DNAJC22: variants seen among roughly 807,000 people sequenced by gnomAD.
DNAJC22 encodes dnaJ homolog subfamily C member 22.
DNAJC22 carries 24 observed loss-of-function variants against 22.2 expected under a neutral mutation model. That is an observed-to-expected ratio of 1.08 (90% confidence interval 0.78 to 1.52). The LOEUF (loss-of-function observed/expected upper bound fraction) is 1.52. Ranked by LOEUF, DNAJC22 falls within the 40% of genes most tolerant of loss-of-function variation. DNAJC22 has a pLI of 0.00. For missense variants in DNAJC22, 434 were observed against 421.7 expected (o/e 1.03, Z -0.26); for synonymous variants, 160 against 167.4 (o/e 0.96, Z 0.34).
At position 49,347,837 on chromosome 12, in the gene DNAJC22, C is replaced by T. The variant is rs1001857595; in HGVS notation, c.-376C>T. The T allele has an allele frequency of 1.3e-5, 2 of 152,258 alleles. No individual in the cohort carries two copies. The highest frequency in any genetic ancestry group is 4.8e-5 in the African/African-American group (2 of 41,440). The allele number at this position is 152,258 out of a possible 1,614,324, so 9.4% of individuals were successfully genotyped here. ...CTGGGCCCGGGCTGGGCACTGAGCCCACCGGAGCTGCAGGCGTCTGCAGAG... is the reference window on the plus strand; with the variant it reads ...CTGGGCCCGGGCTGGGCACTGAGCCTACCGGAGCTGCAGGCGTCTGCAGAG... On this transcript the variant is annotated 5_prime_UTR_variant, in exon 2 of 4. Coordinates refer to ENST00000549441, the MANE Select transcript of DNAJC22 (RefSeq NM_001304944.2).
intron 3 of DNAJC22, among the ~76,000 whole-genome samples, chr12:49,350,857 C>T (rs367679010): frequency 1.7e-4 from 26 of 152,228 alleles, no homozygotes; most frequent in African/African-American, 6.0e-4. Flanking sequence ...TGTAGTATCC[C>T]ATTGTATGAT....
chr12:49,349,093 C>A lies in DNAJC22; in HGVS notation c.221C>A (p.Pro74His), dbSNP rs779184427. The change falls in exon 3 of 4, where the codon CCC (proline) becomes CAC (histidine). Residue 74 changes from proline (P) to histidine (H), a missense_variant. Physicochemically the swap from Pro to His is moderately conservative, Grantham distance 77. Coordinates refer to ENST00000549441, the MANE Select transcript of DNAJC22 (RefSeq NM_001304944.2). ...GQRQSPRGVT[P>H]PLSPIRFAAQ... The stretch of plus-strand genomic sequence containing the variant: ...AGGCAGAGCCCCAGAGGGGTGACAC[C>A]CCCTCTGAGTCCCATTCGCTTTGCT... 25 of 1,614,128 alleles carry A rather than the reference C, an allele frequency of 1.5e-5. No individual in the cohort carries two copies. In the South Asian group the frequency reaches 2.2e-4, roughly 14 times the overall value.
Position 49,347,307 on chromosome 12 carries a change from A to G in DNAJC22, c.-814A>G, listed in dbSNP as rs1483863601. On this transcript the variant is annotated 5_prime_UTR_variant, in exon 1 of 4. Coordinates refer to ENST00000549441, the MANE Select transcript of DNAJC22 (RefSeq NM_001304944.2). Reference sequence around the variant, plus strand: ...CCCTCTGGTTCATAGCCCGCGGGACAGAGCAGCCCTGGATTGGGAGGCTCC... The same window carrying G: ...CCCTCTGGTTCATAGCCCGCGGGACGGAGCAGCCCTGGATTGGGAGGCTCC... 1 of 152,248 alleles carries G rather than the reference A, an allele frequency of 6.6e-6. No individual in the cohort carries two copies. Among genetic ancestry groups the G allele is most frequent in the East Asian group, 1.9e-4 (1 of 5,184 alleles). The allele number at this position is 152,248 out of a possible 1,614,324, so 9.4% of individuals were successfully genotyped here.
chr12:49,351,304 C>G lies in DNAJC22; in HGVS notation c.841-13C>G, dbSNP rs753830671. On this transcript the variant is annotated splice_polypyrimidine_tract_variant and intron_variant, in intron 3 of 3. Transcript: ENST00000549441. Reference sequence around the variant, plus strand: ...TTGGGGGATTCTAATTTGTCATCTTCTGTTTCCATAAGGTTTTGGGCCTCT... The same window carrying G: ...TTGGGGGATTCTAATTTGTCATCTTGTGTTTCCATAAGGTTTTGGGCCTCT... The G allele has an allele frequency of 9.9e-6, 16 of 1,613,054 alleles. No homozygotes were observed. The South Asian group carries it at 1.8e-4, about 18-fold the overall frequency.
rs1163592320 is a variant in DNAJC22, at chr12:49,352,478, T to G, written c.*976T>G. On this transcript the variant is annotated 3_prime_UTR_variant, in exon 4 of 4. Coordinates refer to ENST00000549441, the MANE Select transcript of DNAJC22 (RefSeq NM_001304944.2). ...TTGCAGTCAACTGAGATTGAGCCACTGCACTGTACTCCAGCCTGGGCGGCA... is the reference window on the plus strand; with the variant it reads ...TTGCAGTCAACTGAGATTGAGCCACGGCACTGTACTCCAGCCTGGGCGGCA... The G allele has an allele frequency of 1.3e-5, 2 of 152,182 alleles. No individual in the cohort carries two copies. Among genetic ancestry groups the G allele is most frequent in the African/African-American group, 4.8e-5 (2 of 41,440 alleles). The allele number at this position is 152,182 out of a possible 1,614,324, so 9.4% of individuals were successfully genotyped here. A position where few individuals can be genotyped will look rare whatever the true frequency, so the allele number is the denominator to read the frequency against.
chr12:49,349,456 C>T lies in DNAJC22; in HGVS notation c.584C>T (p.Pro195Leu), dbSNP rs772597996. The change falls in exon 3 of 4, where the codon CCA (proline) becomes CTA (leucine). Residue 195 changes from proline to leucine, a missense_variant. Transcript: ENST00000549441. ...LGLAYLAFTGPLAYSALCNTA... is the reference protein window; with the variant it reads ...LGLAYLAFTGLLAYSALCNTA... Reference sequence around the variant, plus strand: ...TTGGCTTACCTTGCTTTCACAGGCCCACTGGCATACAGTGCCCTCTGCAAC... The same window carrying T: ...TTGGCTTACCTTGCTTTCACAGGCCTACTGGCATACAGTGCCCTCTGCAAC... The T allele has an allele frequency of 3.1e-6, 5 of 1,614,176 alleles. No individual in the cohort carries two copies. Among genetic ancestry groups the T allele is most frequent in the Non-Finnish European group, 3.4e-6 (4 of 1,180,032 alleles).
rs1057424011 is a variant in DNAJC22, at chr12:49,348,084, G to C, written c.-129G>C. On this transcript the variant is annotated 5_prime_UTR_variant, in exon 2 of 4. Transcript: ENST00000549441. ...TCAAAGGAAATGACTGGTCTGACTCGGTCTGGGAGCGGGGCACCCAGGTAT... is the reference window on the plus strand; with the variant it reads ...TCAAAGGAAATGACTGGTCTGACTCCGTCTGGGAGCGGGGCACCCAGGTAT... 1 of 152,294 alleles carries C rather than the reference G, an allele frequency of 6.6e-6. No homozygotes were observed. Among genetic ancestry groups the C allele is most frequent in the Non-Finnish European group, 1.5e-5 (1 of 68,088 alleles). The allele number at this position is 152,294 out of a possible 1,614,324, so 9.4% of individuals were successfully genotyped here.
In DNAJC22 at chr12:49,349,467, A is replaced by G. The variant is rs767033192; in HGVS notation, c.595A>G (p.Ser199Gly). The G allele has an allele frequency of 1.2e-6, 2 of 1,614,224 alleles. No individual in the cohort carries two copies. Among genetic ancestry groups the G allele is most frequent in the Non-Finnish European group, 8.5e-7 (1 of 1,180,034 alleles). The change falls in exon 3 of 4, where the codon AGT (serine) becomes GGT (glycine). Residue 199 changes from serine to glycine, a missense_variant. Coordinates refer to ENST00000549441, the MANE Select transcript of DNAJC22 (RefSeq NM_001304944.2). Reference protein sequence around the residue: ...YLAFTGPLAYSALCNTAATLS... With the variant: ...YLAFTGPLAYGALCNTAATLS... ...TGCTTTCACAGGCCCACTGGCATAC[A>G]GTGCCCTCTGCAACACAGCTGCCAC...
In DNAJC22 at chr12:49,351,512, T is replaced by C; in HGVS notation, c.*10T>C. 1 of 1,526,108 alleles carries C rather than the reference T, an allele frequency of 6.6e-7. No homozygotes were observed. Among genetic ancestry groups the C allele is most frequent in the Admixed American group, 2.3e-5 (1 of 44,186 alleles). 94.5% of individuals were successfully genotyped at this position (1,526,108 alleles called of 1,614,324 possible). Reference sequence around the variant, plus strand: ...GGGATCCCGGAGGTGAAAAGAAACTTCCCCCTGAGGACTGACTCTTCCTAG... The same window carrying C: ...GGGATCCCGGAGGTGAAAAGAAACTCCCCCCTGAGGACTGACTCTTCCTAG... On this transcript the variant is annotated 3_prime_UTR_variant, in exon 4 of 4. Coordinates refer to ENST00000549441, the MANE Select transcript of DNAJC22 (RefSeq NM_001304944.2).
chr12:49,347,319 G>A lies in DNAJC22; in HGVS notation c.-802G>A, dbSNP rs1345854543. The A allele has an allele frequency of 6.6e-6, 1 of 152,328 alleles. No homozygotes were observed. Among genetic ancestry groups the A allele is most frequent in the Non-Finnish European group, 1.5e-5 (1 of 68,110 alleles). The allele number at this position is 152,328 out of a possible 1,614,324, so 9.4% of individuals were successfully genotyped here. ...TAGCCCGCGGGACAGAGCAGCCCTG[G>A]ATTGGGAGGCTCCTCAGGTCTCAGG... is the stretch of plus-strand genomic sequence containing the variant. On this transcript the variant is annotated 5_prime_UTR_variant, in exon 1 of 4. An upstream open reading frame in the 5' UTR gains an earlier in-frame stop. Transcript: ENST00000549441.
rs1285789451 is a variant in DNAJC22, at chr12:49,347,237, C to CT, written c.-883dup. The CT allele has an allele frequency of 2.0e-5, 3 of 152,328 alleles. No individual in the cohort carries two copies. The highest frequency in any genetic ancestry group is 4.4e-5 in the Non-Finnish European group (3 of 68,104). The allele number at this position is 152,328 out of a possible 1,614,324, so 9.4% of individuals were successfully genotyped here. A position where few individuals can be genotyped will look rare whatever the true frequency, so the allele number is the denominator to read the frequency against. On this transcript the variant is annotated 5_prime_UTR_variant, in exon 1 of 4. The change abolishes the stop of an existing upstream ORF in the 5' untranslated region. Transcript: ENST00000549441. ...ACGAGCCTCGGGCTGCGGCCTCGCC[C>CT]TCCTGGTCGAGCCTCCTGCCCTCCA...
Position 49,349,565 on chromosome 12 carries a change from CA to C in DNAJC22, c.694del (p.Met232TrpfsTer15). Reference protein sequence around the residue: ...FSFFPLLGRLMEFVLLLPYRI... With the variant: ...FSFFPLLGRLXEFVLLLPYRI... ...GCTTCTTCCCCCTTCTTGGCCGCCT[CA>C]TGGAGTTTGTCCTCCTTCTGCCTTA... On this transcript the variant is annotated frameshift_variant, in exon 3 of 4. Transcript: ENST00000549441. LOFTEE classifies it high-confidence loss of function. 6.2e-7 allele frequency: 1 copy of C among 1,614,276 alleles called. No individual in the cohort carries two copies. The highest frequency in any genetic ancestry group is 8.5e-7 in the Non-Finnish European group (1 of 1,180,052).
Position 49,349,616 on chromosome 12 carries a change from G to A in DNAJC22, c.744G>A (p.Gly248=). Residue 248 remains glycine, a synonymous_variant, in exon 3 of 4, where the codon GGG becomes GGA. Coordinates refer to ENST00000549441, the MANE Select transcript of DNAJC22 (RefSeq NM_001304944.2). ...ACCGGATCTGGAGGCTACTGATGGG[G>A]GAGACTGGCTTCAACAGCAGCTGCT... The part of the protein sequence containing the change: ...LPYRIWRLLM[G]ETGFNSSCFQ... 1 of 1,614,236 alleles carries A rather than the reference G, an allele frequency of 6.2e-7. No individual in the cohort carries two copies. The highest frequency in any genetic ancestry group is 8.5e-7 in the Non-Finnish European group (1 of 1,180,052).
chr12:49,351,252 A>T (rs1057464094), intron 3 of DNAJC22, 65 bp from the exon 4 acceptor site: 1 of 1,607,796 alleles, frequency 6.2e-7, no homozygotes, highest in South Asian at 1.1e-5. Flanking sequence ...GCAAAGGTGC[A>T]AGGAGAGGCC....
Position 49,349,329 on chromosome 12 carries a change from C to G in DNAJC22, c.457C>G (p.Leu153Val). ...CTTCTATGGCCGCCCCATAGCCATA[C>G]TGCCCATTAGCGTGGCCGCCAGCAT... ...PIFYGRPIAI[L>V]PISVAASITA... Residue 153 changes from leucine (L) to valine (V), a missense_variant, in exon 3 of 4, where the codon CTG becomes GTG. By Grantham distance (32) the Leu-to-Val change is conservative (BLOSUM62 1). Coordinates refer to ENST00000549441, the MANE Select transcript of DNAJC22 (RefSeq NM_001304944.2). The G allele has an allele frequency of 3.1e-6, 5 of 1,612,334 alleles. No individual in the cohort carries two copies. Among genetic ancestry groups the G allele is most frequent in the Non-Finnish European group, 4.2e-6 (5 of 1,179,112 alleles).
chr12:49,348,722 A>T (rs1346774834), intron 2 of DNAJC22, 44 bp from the exon 3 acceptor site: 1 of 1,091,134 alleles, frequency 9.2e-7, no homozygotes, highest in Non-Finnish European at 1.2e-6. Flanking sequence ...GCTGTGTTGG[A>T]GCCTGGACAT....
intron 3 of DNAJC22, among the ~76,000 whole-genome samples, chr12:49,350,856 C>T (rs1397643195): frequency 1.3e-5 from 2 of 152,018 alleles, no homozygotes; most frequent in Non-Finnish European, 2.9e-5. Context: ...GTGTAGTATC[C>T]CATTGTATGA....
At chr12:49,348,413 G>A (rs1943727499) in intron 2 of DNAJC22, among the ~76,000 whole-genome samples, 1 of 152,234 alleles carries the variant, frequency 6.6e-6, no homozygotes, top group African/African-American at 2.4e-5. Context: ...CCTGGGCCAG[G>A]TGTGGGAGGG....
intron 3 of DNAJC22, among the ~76,000 whole-genome samples, chr12:49,350,081 CTT>C (rs113751660): frequency 3.5e-5 from 5 of 144,602 alleles, no homozygotes; most frequent in African/African-American, 5.1e-5. Flanking sequence ...TCTTCTTCTT[CTT>C]TTTTTTTTTT....
Sources: gnomAD v4.1 joint callset for allele counts (sites outside exome capture counted in the v4.1 genomes callset) on GRCh38, gnomAD v4.1.1 for gene constraint, MANE v1.5 for transcripts, NCBI Gene and HGNC (gene_info 2026-07-23, HGNC 2026-07-21) for gene names.